HTR1A: variants seen among roughly 807,000 people sequenced by gnomAD.
HTR1A encodes 5-HT1a receptor.
A neutral mutation model predicts 24.6 loss-of-function variants in HTR1A; 17 were observed. The observed-to-expected ratio is 0.69, with a 90% CI of 0.47 to 1.04. The LOEUF (loss-of-function observed/expected upper bound fraction) is 1.04. HTR1A is among the 50% of genes least tolerant of loss of function. The pLI, the probability that HTR1A is intolerant of heterozygous loss-of-function variation, is 0.00. For synonymous variants in HTR1A, 262 were observed against 244.6 expected, an observed-to-expected ratio of 1.07 and a Z score of -0.67; for missense variants, 515 against 565.1, an observed-to-expected ratio of 0.91 and a Z score of 0.90.
Position 63,961,397 on chromosome 5 carries a change from G to A in HTR1A, c.323C>T (p.Thr108Ile). 4 of 1,613,844 alleles carry A rather than the reference G, an allele frequency of 2.5e-6. No homozygotes were observed. Among genetic ancestry groups the A allele is most frequent in the Non-Finnish European group, 3.4e-6 (4 of 1,179,850 alleles). ...GTCGAGGGCGATGAACAGGTCGCAG[G>A]TTACCTGGCCCAGTGTCCACTTGTT... ...VLNKWTLGQV[T>I]CDLFIALDVL... Residue 108 changes from threonine (T) to isoleucine (I), a missense_variant, in exon 1 of 1, where the codon ACC (threonine) becomes ATC (isoleucine). Thr to Ile is a moderately conservative substitution (Grantham distance 89). Around this residue, in one of 3 missense-constraint regions of HTR1A, gnomAD observed 80 missense variants for 130.8 expected, o/e 0.61. Coordinates refer to ENST00000323865, the MANE Select transcript of HTR1A (RefSeq NM_000524.4).
chr5:63,958,995 T>C lies in HTR1A; in HGVS notation c.*1456A>G, dbSNP rs983913395. Among the ~76,000 whole-genome samples, 30 of 152,214 alleles carry C rather than the reference T, an allele frequency of 2.0e-4. No individual in the cohort carries two copies. Among genetic ancestry groups the C allele is most frequent in the African/African-American group, 6.8e-4 (28 of 41,462 alleles). On this transcript the variant is annotated 3_prime_UTR_variant, in exon 1 of 1. Transcript: ENST00000323865. The stretch of plus-strand genomic sequence containing the variant: ...TGCTAACCTATGGACTATCTGGGCA[T>C]TCCATTGAAAGCCCAGAATTCCTAT...
Position 63,961,151 on chromosome 5 carries a change from C to T in HTR1A, c.569G>A (p.Ser190Asn). ...DRSDPDACTI[S>N]KDHGYTIYST... is the part of the protein sequence containing the mutation. The stretch of plus-strand genomic sequence containing the variant: ...ATAGATAGTGTAGCCATGATCCTTG[C>T]TAATGGTGCATGCGTCGGGGTCCGA... The change falls in exon 1 of 1, where the codon AGC becomes AAC. Residue 190 changes from serine to asparagine, a missense_variant. By Grantham distance (46) the Ser-to-Asn change is conservative. Transcript: ENST00000323865. 1 of 1,614,234 alleles carries T rather than the reference C, an allele frequency of 6.2e-7. No individual in the cohort carries two copies. Among genetic ancestry groups the T allele is most frequent in the Admixed American group, 1.7e-5 (1 of 60,032 alleles).
Position 63,961,263 on chromosome 5 carries a change from C to A in HTR1A, c.457G>T (p.Ala153Ser). 1 of 1,614,146 alleles carries A rather than the reference C, an allele frequency of 6.2e-7. No individual in the cohort carries two copies. The highest frequency in any genetic ancestry group is 8.5e-7 in the Non-Finnish European group (1 of 1,180,004). Residue 153 changes from alanine (A) to serine (S), a missense_variant, in exon 1 of 1, where the codon GCC becomes TCC. Around this residue, in one of 3 missense-constraint regions of HTR1A, gnomAD observed 381 missense variants for 384.5 expected, o/e 0.99. Transcript: ENST00000323865. Reference sequence around the variant, plus strand: ...CAAGTGAGCGAGATGAGCGCAGCGGCGCGCCGGGGCGTCCTCTTGTTCACG... The same window carrying A: ...CAAGTGAGCGAGATGAGCGCAGCGGAGCGCCGGGGCGTCCTCTTGTTCACG... ...DYVNKRTPRR[A>S]AALISLTWLI... is the part of the protein sequence containing the mutation.
rs1461470545 is a variant in HTR1A at position 63,959,582 on chromosome 5, T to G, written c.*869A>C. Among the ~76,000 whole-genome samples, 2 of 152,232 alleles carry G rather than the reference T, an allele frequency of 1.3e-5. No individual in the cohort carries two copies. Among genetic ancestry groups the G allele is most frequent in the Non-Finnish European group, 2.9e-5 (2 of 68,038 alleles). On this transcript the variant is annotated 3_prime_UTR_variant, in exon 1 of 1. Coordinates refer to ENST00000323865, the MANE Select transcript of HTR1A (RefSeq NM_000524.4). ...AGCTACCTGTACAAACAGCGTCCGCTCTCTCCACTGTATGATTGTCAGTTT... is the reference window on the plus strand; with the variant it reads ...AGCTACCTGTACAAACAGCGTCCGCGCTCTCCACTGTATGATTGTCAGTTT...
At position 63,958,278 on chromosome 5, in the gene HTR1A, T is replaced by G. The variant is rs1221033337; in HGVS notation, c.*2173A>C. Among the ~76,000 whole-genome samples, 2 of 152,224 alleles carry G rather than the reference T, an allele frequency of 1.3e-5. No homozygotes were observed. Among genetic ancestry groups the G allele is most frequent in the Non-Finnish European group, 2.9e-5 (2 of 68,044 alleles). ...TTATCTTCTTCACTGCAGACCCTTC[T>G]CAGCATTATACATGCATAGACAAAC... On this transcript the variant is annotated 3_prime_UTR_variant, in exon 1 of 1. Transcript: ENST00000323865.
At position 63,960,571 on chromosome 5, in the gene HTR1A, G is replaced by A. The variant is rs201348321; in HGVS notation, c.1149C>T (p.Ala383=). ...SSCHMPTLLG[A]IINWLGYSNS... ...TGGAGTAGCCCAGCCAATTGATTAT[G>A]GCGCCCAACAGGGTGGGCATGTGGC... Residue 383 remains alanine, a synonymous_variant, in exon 1 of 1, where the codon GCC becomes GCT. Coordinates refer to ENST00000323865, the MANE Select transcript of HTR1A (RefSeq NM_000524.4). 4.6e-5 allele frequency: 75 copies of A among 1,614,074 alleles called. No individual in the cohort carries two copies. The highest frequency in any genetic ancestry group is 6.1e-5 in the Non-Finnish European group (72 of 1,180,044).
rs1440929170 is a variant in HTR1A at position 63,960,238 on chromosome 5, G to A, written c.*213C>T. 1 of 616,268 alleles carries A rather than the reference G, an allele frequency of 1.6e-6. No homozygotes were observed. The highest frequency in any genetic ancestry group is 1.9e-5 in the South Asian group (1 of 53,412). 38.2% of individuals were successfully genotyped at this position (616,268 alleles called of 1,614,324 possible). On this transcript the variant is annotated 3_prime_UTR_variant, in exon 1 of 1. Coordinates refer to ENST00000323865, the MANE Select transcript of HTR1A (RefSeq NM_000524.4). ...CTCACAAACTCTCTGAATTTCCTGG[G>A]CTCTCAACGCTCCTCCGCTGGGTCT... is the stretch of plus-strand genomic sequence containing the variant.
Position 63,960,532 on chromosome 5 carries a change from G to A in HTR1A, c.1188C>T (p.Asn396=). Reference sequence around the variant, plus strand: ...TGTTGAAGTATGCGTAAATGACGGGGTTAAGCAGAGAGTTGGAGTAGCCCA... The same window carrying A: ...TGTTGAAGTATGCGTAAATGACGGGATTAAGCAGAGAGTTGGAGTAGCCCA... ...NWLGYSNSLL[N]PVIYAYFNKD... is the part of the protein sequence containing the mutation. Residue 396 remains asparagine (N), a synonymous_variant, in exon 1 of 1, where the codon AAC becomes AAT. Transcript: ENST00000323865. 1.9e-6 allele frequency: 3 copies of A among 1,614,220 alleles called. No individual in the cohort carries two copies. Among genetic ancestry groups the A allele is most frequent in the Non-Finnish European group, 8.5e-7 (1 of 1,180,042 alleles).
rs1746387382 is a variant in HTR1A at position 63,959,860 on chromosome 5, C to T, written c.*591G>A. On this transcript the variant is annotated 3_prime_UTR_variant, in exon 1 of 1. Coordinates refer to ENST00000323865, the MANE Select transcript of HTR1A (RefSeq NM_000524.4). ...TGGCACGGGGAAAAGCAGCCTCTTCCGCCTCTCCGGACCAGCAGATTCGTG... is the reference window on the plus strand; with the variant it reads ...TGGCACGGGGAAAAGCAGCCTCTTCTGCCTCTCCGGACCAGCAGATTCGTG... Among the ~76,000 whole-genome samples the T allele has an allele frequency of 6.6e-6, 1 of 152,142 alleles. No homozygotes were observed. Among genetic ancestry groups the T allele is most frequent in the African/African-American group, 2.4e-5 (1 of 41,432 alleles).
In HTR1A at chr5:63,961,630, G is replaced by C. The variant is rs751966197; in HGVS notation, c.90C>G (p.Asp30Glu). The part of the protein sequence containing the change: ...ETGGNTTGIS[D>E]VTVSYQVITS... ...TGATCACTTGGTAGCTGACGGTCACGTCGGAGATACCAGTAGTGTTGCCGC... is the reference window on the plus strand; with the variant it reads ...TGATCACTTGGTAGCTGACGGTCACCTCGGAGATACCAGTAGTGTTGCCGC... Residue 30 changes from aspartate to glutamate, a missense_variant, in exon 1 of 1, where the codon GAC becomes GAG. Physicochemically the swap from Asp to Glu is conservative, Grantham distance 45. Around this residue, in one of 3 missense-constraint regions of HTR1A, gnomAD observed 54 missense variants for 49.8 expected, o/e 1.08. Coordinates refer to ENST00000323865, the MANE Select transcript of HTR1A (RefSeq NM_000524.4). 4 of 1,613,948 alleles carry C rather than the reference G, an allele frequency of 2.5e-6. No individual in the cohort carries two copies. In the Admixed American group the frequency reaches 6.7e-5, roughly 27 times the overall value.
In HTR1A at chr5:63,961,141, A is replaced by G; in HGVS notation, c.579T>C (p.His193=). The part of the protein sequence containing the change: ...DPDACTISKD[H]GYTIYSTFGA... ...CAAAGGTGGAATAGATAGTGTAGCC[A>G]TGATCCTTGCTAATGGTGCATGCGT... The change falls in exon 1 of 1, where the codon CAT becomes CAC. Residue 193 remains histidine (H), a synonymous_variant. Coordinates refer to ENST00000323865, the MANE Select transcript of HTR1A (RefSeq NM_000524.4). The G allele has an allele frequency of 6.2e-7, 1 of 1,614,222 alleles. No individual in the cohort carries two copies. Among genetic ancestry groups the G allele is most frequent in the Non-Finnish European group, 8.5e-7 (1 of 1,180,044 alleles).
rs199886707 is a variant in HTR1A at position 63,960,404 on chromosome 5, A to T, written c.*47T>A. On this transcript the variant is annotated 3_prime_UTR_variant, in exon 1 of 1. Coordinates refer to ENST00000323865, the MANE Select transcript of HTR1A (RefSeq NM_000524.4). ...CCCTAGGGTTGGGGGAAGCATAGTGAATGGGACGGATCCTGTAGCCTCGAC... is the reference window on the plus strand; with the variant it reads ...CCCTAGGGTTGGGGGAAGCATAGTGTATGGGACGGATCCTGTAGCCTCGAC... The T allele has an allele frequency of 5.2e-4, 814 of 1,578,496 alleles. 1 individual carries two copies. The highest frequency in any genetic ancestry group is 6.5e-4 in the Non-Finnish European group (742 of 1,147,856).
At position 63,961,931 on chromosome 5, in the gene HTR1A, T is replaced by C; in HGVS notation, c.-212A>G. On this transcript the variant is annotated 5_prime_UTR_variant, in exon 1 of 1. An upstream open reading frame in the 5' UTR loses its in-frame stop. Coordinates refer to ENST00000323865, the MANE Select transcript of HTR1A (RefSeq NM_000524.4). ...CCTGGGCTCTCGCAGTCCAGCGCGTTCAGAAGCTCCAGCTGGGAAACTGGA... is the reference window on the plus strand; with the variant it reads ...CCTGGGCTCTCGCAGTCCAGCGCGTCCAGAAGCTCCAGCTGGGAAACTGGA... 2 of 598,456 alleles carry C rather than the reference T, an allele frequency of 3.3e-6. No individual in the cohort carries two copies. Among genetic ancestry groups the C allele is most frequent in the Non-Finnish European group, 3.0e-6 (1 of 335,556 alleles). 37.1% of individuals were successfully genotyped at this position (598,456 alleles called of 1,614,324 possible). A position where few individuals can be genotyped will look rare whatever the true frequency, so the allele number is the denominator to read the frequency against.
At position 63,960,968 on chromosome 5, in the gene HTR1A, T is replaced by C; in HGVS notation, c.752A>G (p.Lys251Arg). ...CCCCGACTCTCCATTCACACTCTTC[T>C]TGGGCTGCGGGGCGGGAGATGCTCC... is the stretch of plus-strand genomic sequence containing the variant. ...RHGASPAPQP[K>R]KSVNGESGSR... The change falls in exon 1 of 1, where the codon AAG becomes AGG. Residue 251 changes from lysine (K) to arginine (R), a missense_variant. Transcript: ENST00000323865. The C allele has an allele frequency of 2.5e-6, 4 of 1,614,194 alleles. No individual in the cohort carries two copies. The highest frequency in any genetic ancestry group is 3.4e-6 in the Non-Finnish European group (4 of 1,180,038).
rs771482418 is a variant in HTR1A at position 63,959,212 on chromosome 5, T to C, written c.*1239A>G. ...TTACTGGGGGAGCCAGCTGGAGCCT[T>C]GGGCACGCGCGCCCTGGGGAACCTT... On this transcript the variant is annotated 3_prime_UTR_variant, in exon 1 of 1. Coordinates refer to ENST00000323865, the MANE Select transcript of HTR1A (RefSeq NM_000524.4). 8.5e-5 allele frequency among the ~76,000 whole-genome samples: 13 copies of C among 152,218 alleles called. No homozygotes were observed. Among genetic ancestry groups the C allele is most frequent in the Non-Finnish European group, 1.5e-4 (10 of 68,038 alleles).
At position 63,959,532 on chromosome 5, in the gene HTR1A, C is replaced by T. The variant is rs1746380460; in HGVS notation, c.*919G>A. Among the ~76,000 whole-genome samples the T allele has an allele frequency of 6.6e-6, 1 of 152,242 alleles. No homozygotes were observed. Among genetic ancestry groups the T allele is most frequent in the Non-Finnish European group, 1.5e-5 (1 of 68,036 alleles). On this transcript the variant is annotated 3_prime_UTR_variant, in exon 1 of 1. Coordinates refer to ENST00000323865, the MANE Select transcript of HTR1A (RefSeq NM_000524.4). The stretch of plus-strand genomic sequence containing the variant: ...GGCGCCTCCCGCAGTAAGTAAGTGG[C>T]GATGTCAGGTCGTACACACTCGCCA...
chr5:63,960,642 G>A lies in HTR1A; in HGVS notation c.1078C>T (p.Pro360Ser). ...IMGTFILCWL[P>S]FFIVALVLPF... ...AGAACAAGAGCCACGATGAAGAAGG[G>A]CAGCCAGCAGAGGATGAAGGTGCCC... Residue 360 changes from proline (P) to serine (S), a missense_variant, in exon 1 of 1, where the codon CCC becomes TCC. Transcript: ENST00000323865. The A allele has an allele frequency of 6.2e-7, 1 of 1,614,264 alleles. No individual in the cohort carries two copies. Among genetic ancestry groups the A allele is most frequent in the Non-Finnish European group, 8.5e-7 (1 of 1,180,046 alleles).
At position 63,961,347 on chromosome 5, in the gene HTR1A, A is replaced by G; in HGVS notation, c.373T>C (p.Leu125=). The change falls in exon 1 of 1, where the codon TTG becomes CTG. Residue 125 remains leucine, a synonymous_variant. Coordinates refer to ENST00000323865, the MANE Select transcript of HTR1A (RefSeq NM_000524.4). The part of the protein sequence containing the change: ...LDVLCCTSSI[L]HLCAIALDRY... ...TCCAGCGCGATGGCGCACAGGTGCAAGATGGATGAGGTGCAGCACAGCACG... is the reference window on the plus strand; with the variant it reads ...TCCAGCGCGATGGCGCACAGGTGCAGGATGGATGAGGTGCAGCACAGCACG... The G allele has an allele frequency of 6.2e-7, 1 of 1,614,052 alleles. No homozygotes were observed.
In HTR1A at chr5:63,959,110, C is replaced by A. The variant is rs535105824; in HGVS notation, c.*1341G>T. On this transcript the variant is annotated 3_prime_UTR_variant, in exon 1 of 1. Transcript: ENST00000323865. ...TGGGACACGCTAAACAGAATTATTC[C>A]CCGATCCAAAAAGGACAAGAGCGTG... Among the ~76,000 whole-genome samples, 5 of 152,270 alleles carry A rather than the reference C, an allele frequency of 3.3e-5. No individual in the cohort carries two copies. In the South Asian group the frequency reaches 8.3e-4, roughly 25 times the overall value.
Sources: allele counts gnomAD v4.1 joint callset (sites outside exome capture counted in the v4.1 genomes callset), GRCh38; gene constraint gnomAD v4.1.1; regional missense constraint gnomAD v4.1.1; transcripts MANE v1.5; gene names NCBI Gene and HGNC (gene_info 2026-07-23, HGNC 2026-07-21).